The following NAMPT variants were observed in gnomAD, a reference collection of about 807,000 sequenced individuals.
NAMPT encodes the protein NAmPRTase.
In NAMPT, 7 loss-of-function variants were observed where a neutral mutation model predicts 58.7. The ratio of observed to expected loss-of-function variants is 0.12; its 90% confidence interval spans 0.07 to 0.22. The LOEUF (loss-of-function observed/expected upper bound fraction) is 0.22. Among genes scored for constraint, NAMPT ranks in the 10% least tolerant of loss-of-function variants. The probability of loss-of-function intolerance (pLI) is 1.00; values close to 1 mark genes in which losing one functional copy is unlikely to be tolerated. For missense variants in NAMPT, 271 were observed against 567.9 expected (o/e 0.48, Z 5.31); for synonymous variants, 145 against 198.1 (o/e 0.73, Z 2.25).
intron 8 of NAMPT, among the ~76,000 whole-genome samples, chr7:106,255,238 G>C (rs1364666980): frequency 1.3e-5 from 2 of 152,152 alleles, no homozygotes; most frequent in Non-Finnish European, 2.9e-5. Context: ...AATGTCATTT[G>C]TATTTCTTTC....
At position 106,274,082 on chromosome 7, in the gene NAMPT, T is replaced by A. The variant is rs1388150084; in HGVS notation, c.318+864A>T. On this transcript the variant is annotated intron_variant, in intron 3 of 10. Coordinates refer to ENST00000222553, the MANE Select transcript of NAMPT (RefSeq NM_005746.3). ...ATTACCATGTCTTTGAGTGCCTTAA[T>A]ATTTAGGCAATGAATTCAAACATAC... Among the ~76,000 whole-genome samples the A allele has an allele frequency of 4.0e-5, 6 of 150,512 alleles. No individual in the cohort carries two copies. In the Admixed American group the frequency reaches 4.0e-4, roughly 10 times the overall value.
intron 6 of NAMPT, among the ~76,000 whole-genome samples, chr7:106,267,089 A>G (rs1398166471): frequency 1.3e-5 from 2 of 152,256 alleles, no homozygotes; most frequent in African/African-American, 4.8e-5. Context: ...CAGAGAATGA[A>G]TAAGTGCCCA....
intron 6 of NAMPT, among the ~76,000 whole-genome samples, chr7:106,267,564 G>A (rs116021871): frequency 0.032 from 4,901 of 151,994 alleles, 101 homozygotes; most frequent in African/African-American, 0.043. Context: ...GATTTACGCC[G>A]GGCGCGGTGG....
At chr7:106,260,458 T>C (rs954372950) in intron 8 of NAMPT, among the ~76,000 whole-genome samples, 1 of 152,396 alleles carries the variant, frequency 6.6e-6, no homozygotes, top group African/African-American at 2.4e-5. Context: ...GTTGCTTTGA[T>C]CTTCTATTCA....
intron 8 of NAMPT, among the ~76,000 whole-genome samples, chr7:106,260,801 G>A (rs1792288825): frequency 6.6e-6 from 1 of 152,158 alleles, no homozygotes; most frequent in South Asian, 2.1e-4. Context: ...AAAGGGAATG[G>A]GTAACTGGTG....
chr7:106,267,860 A>AC (rs1562815930), intron 6 of NAMPT, among the ~76,000 whole-genome samples: 4 of 137,574 alleles, frequency 2.9e-5, no homozygotes, highest in African/African-American at 1.0e-4. Flanking sequence ...AAAAAAAAAA[A>AC]AAAAAAAAAA....
intron 6 of NAMPT, among the ~76,000 whole-genome samples, chr7:106,267,169 T>G (rs1792429682): frequency 6.6e-6 from 1 of 152,250 alleles, no homozygotes; most frequent in Non-Finnish European, 1.5e-5. Context: ...AAAGCTTTCT[T>G]GATCCTGCTA....
intron 8 of NAMPT, among the ~76,000 whole-genome samples, chr7:106,258,480 T>C (rs547272331): frequency 4.6e-4 from 70 of 152,344 alleles, no homozygotes; most frequent in African/African-American, 1.7e-3. Flanking sequence ...ATGTTAGTGA[T>C]ATTCTACAGA....
At chr7:106,273,475 CA>C (rs879312885) in intron 3 of NAMPT, among the ~76,000 whole-genome samples, 8 of 152,054 alleles carry the variant, frequency 5.3e-5, no homozygotes, top group Non-Finnish European at 8.8e-5. Context: ...CAGTGTATAG[CA>C]AAAAGAACAT....
chr7:106,285,586 C>T, upstream of NAMPT: 1 of 985,898 alleles, frequency 1.0e-6, no homozygotes, highest in African/African-American at 1.7e-5. Context: ...CGCCTCCATC[C>T]CTCTTGTCCC....
At chr7:106,269,967 A>G (rs1056445685) in intron 4 of NAMPT, among the ~76,000 whole-genome samples, 2 of 152,238 alleles carry the variant, frequency 1.3e-5, no homozygotes, top group East Asian at 1.9e-4. Context: ...TATCAAATAT[A>G]TAAGTATTTG....
intron 8 of NAMPT, among the ~76,000 whole-genome samples, chr7:106,257,563 T>G (rs550888084): frequency 6.7e-6 from 1 of 150,030 alleles, no homozygotes; most frequent in East Asian, 2.0e-4. Context: ...CCTGGGAGGT[T>G]GAGGCTGCAG....
chr7:106,262,490 C>G (rs1792323784), intron 7 of NAMPT, among the ~76,000 whole-genome samples: 1 of 152,096 alleles, frequency 6.6e-6, no homozygotes, highest in Non-Finnish European at 1.5e-5. Flanking sequence ...TGAAACCTAT[C>G]AAGTTTGCTA....
At chr7:106,252,099 G>A (rs1440040064) in intron 10 of NAMPT, among the ~76,000 whole-genome samples, 1 of 152,082 alleles carries the variant, frequency 6.6e-6, no homozygotes, top group African/African-American at 2.4e-5. Context: ...AGATGATTAT[G>A]AATTATTTTC....
At position 106,254,515 on chromosome 7, in the gene NAMPT, A is replaced by C. The variant is rs1410669388; in HGVS notation, c.1090-11T>G. 6.2e-7 allele frequency: 1 copy of C among 1,611,976 alleles called. No homozygotes were observed. The highest frequency in any genetic ancestry group is 1.3e-5 in the African/African-American group (1 of 74,822). ...CATGCCTTCTACAATCTAGAAGATT[A>C]AAACAAAACAAAACCAAACCAAACC... On this transcript the variant is annotated splice_polypyrimidine_tract_variant and intron_variant, in intron 8 of 10. Coordinates refer to ENST00000222553, the MANE Select transcript of NAMPT (RefSeq NM_005746.3).
In NAMPT at chr7:106,272,850, C is replaced by G. The variant is rs534526558; in HGVS notation, c.319-192G>C. 2.6e-5 allele frequency among the ~76,000 whole-genome samples: 4 copies of G among 152,254 alleles called. No individual in the cohort carries two copies. In the South Asian group the frequency reaches 8.3e-4, roughly 32 times the overall value. On this transcript the variant is annotated intron_variant, in intron 3 of 10. Coordinates refer to ENST00000222553, the MANE Select transcript of NAMPT (RefSeq NM_005746.3). ...AAAACTAGTTAAAATTATTAACATA[C>G]GTACTGATATTAATTTTTAAGTTTA...
chr7:106,260,604 G>A (rs1792285688), intron 8 of NAMPT, among the ~76,000 whole-genome samples: 1 of 152,202 alleles, frequency 6.6e-6, no homozygotes, highest in Non-Finnish European at 1.5e-5. Context: ...TTTGCCTTAA[G>A]AGGCCTATTT....
intron 8 of NAMPT, chr7:106,261,386 T>C (rs182645833): frequency 2.2e-5 from 10 of 447,758 alleles, no homozygotes; most frequent in Non-Finnish European, 4.0e-5. Flanking sequence ...CAATGACAAC[T>C]GGAAGAGTAA....
chr7:106,284,765 C>G, intron 1 of NAMPT, 63 bp downstream of exon 1: 1 of 1,405,646 alleles, frequency 7.1e-7, no homozygotes, highest in Non-Finnish European at 9.4e-7. Flanking sequence ...CCCCGCCCCC[C>G]TGCCGCGCGC....
Sources: allele counts gnomAD v4.1 joint callset (sites outside exome capture counted in the v4.1 genomes callset), GRCh38; gene constraint gnomAD v4.1.1; transcripts MANE v1.5; gene names NCBI Gene and HGNC (gene_info 2026-07-23, HGNC 2026-07-21).